The following PCDHGA5 variants were observed in gnomAD, a reference collection of about 807,000 sequenced individuals.
PCDHGA5 encodes the protein protocadherin gamma-A5.
A neutral mutation model predicts 56.7 loss-of-function variants in PCDHGA5; 36 were observed. The ratio of observed to expected loss-of-function variants is 0.64; its 90% CI spans 0.49 to 0.84. PCDHGA5 has a LOEUF of 0.84. Ranked by LOEUF, PCDHGA5 falls within the 40% of genes least tolerant of loss-of-function variation. PCDHGA5 has a pLI of 0.00. For missense variants in PCDHGA5, 1,305 were observed against 1,201.5 expected, an observed-to-expected ratio of 1.09 and a Z score of -1.27; for synonymous variants, 563 against 520.2, an observed-to-expected ratio of 1.08 and a Z score of -1.12.
At chr5:141,482,755 T>TGA (rs1554165462) in intron 1 of PCDHGA5, among the ~76,000 whole-genome samples, 1 of 143,580 alleles carries the variant, frequency 7.0e-6, no homozygotes, top group Admixed American at 6.9e-5. Context: ...GGGATTATGG[T>TGA]ATTTCATTAT....
chr5:141,379,878 T>C (rs1775912256), intron 1 of PCDHGA5, among the ~76,000 whole-genome samples: 1 of 147,082 alleles, frequency 6.8e-6, no homozygotes, highest in African/African-American at 2.5e-5. Flanking sequence ...TTTTATGGTC[T>C]GTGAAAGCCT....
At chr5:141,418,803 A>G (rs1358411126) in intron 1 of PCDHGA5, 1 of 1,613,894 alleles carries the variant, frequency 6.2e-7, no homozygotes, top group Non-Finnish European at 8.5e-7. Context: ...GTAGAAAGAT[A>G]TACGATAAAC....
intron 1 of PCDHGA5, among the ~76,000 whole-genome samples, chr5:141,426,006 G>C (rs1013613474): frequency 2.0e-5 from 3 of 152,104 alleles, no homozygotes; most frequent in African/African-American, 7.2e-5. Flanking sequence ...AAGGCTTCCG[G>C]CTGCAGTTTT....
Position 141,511,156 on chromosome 5 carries a change from A to G in PCDHGA5, c.2779A>G (p.Lys927Glu), listed in dbSNP as rs2099883637. 6.2e-7 allele frequency: 1 copy of G among 1,614,080 alleles called. No individual in the cohort carries two copies. The highest frequency in any genetic ancestry group is 1.3e-5 in the African/African-American group (1 of 74,940). Residue 927 changes from lysine (K) to glutamate (E), a missense_variant, in exon 4 of 4, where the codon AAG (lysine) becomes GAG (glutamate). By Grantham distance (56) the Lys-to-Glu change is moderately conservative (BLOSUM62 1). Transcript: ENST00000518069. ...CAATGGCAACAAGAAGAAGTCGGGC[A>G]AGAAGGAGAAGAAGTAACATGGAGG... is the stretch of plus-strand genomic sequence containing the variant. ...GGNGNKKKSG[K>E]KEKK
chr5:141,452,748 A>G (rs2098748275), intron 1 of PCDHGA5, among the ~76,000 whole-genome samples: 1 of 152,058 alleles, frequency 6.6e-6, no homozygotes, highest in Admixed American at 6.6e-5. Flanking sequence ...GAGAGAAGGA[A>G]GAAGGAAGGG....
chr5:141,451,212 G>A (rs2098710632), intron 1 of PCDHGA5, among the ~76,000 whole-genome samples: 1 of 152,156 alleles, frequency 6.6e-6, no homozygotes, highest in Non-Finnish European at 1.5e-5. Context: ...AAACTTAGTG[G>A]CTTAAAAGAA....
At chr5:141,453,377 T>TC (rs1242854086) in intron 1 of PCDHGA5, among the ~76,000 whole-genome samples, 3 of 152,072 alleles carry the variant, frequency 2.0e-5, no homozygotes, top group Admixed American at 2.0e-4. Context: ...CAAGTGATCC[T>TC]CCTGCCTTAG....
chr5:141,410,009 T>G, intron 1 of PCDHGA5: 1 of 1,613,318 alleles, frequency 6.2e-7, no homozygotes, highest in Non-Finnish European at 8.5e-7. Context: ...ACACAACGCC[T>G]GGCTGTCCTA....
Position 141,366,657 on chromosome 5 carries a change from C to T in PCDHGA5, c.2327C>T (p.Ala776Val). The T allele has an allele frequency of 6.2e-7, 1 of 1,614,248 alleles. No homozygotes were observed. The change falls in exon 1 of 4, where the codon GCA becomes GTA. Residue 776 changes from alanine (A) to valine (V), a missense_variant. Ala to Val is a moderately conservative substitution (Grantham distance 64). Transcript: ENST00000518069. ...CTGATCTTTCCCCAGCCCAACTACG[C>T]AGACACGCTCCTTAGTGAAGAGAGC... is the stretch of plus-strand genomic sequence containing the variant. ...SHLIFPQPNYADTLLSEESCE... is the reference protein window; with the variant it reads ...SHLIFPQPNYVDTLLSEESCE...
chr5:141,407,616 C>T (rs752226894), intron 1 of PCDHGA5, among the ~76,000 whole-genome samples: 3 of 151,970 alleles, frequency 2.0e-5, no homozygotes, highest in Non-Finnish European at 4.4e-5. Flanking sequence ...CATTGGTTGA[C>T]ATTCTATATC....
intron 1 of PCDHGA5, chr5:141,399,774 C>A (rs758550367): frequency 1.2e-6 from 2 of 1,613,116 alleles, no homozygotes; most frequent in South Asian, 2.2e-5. Flanking sequence ...TGTTGGTGGG[C>A]GACCGAAACG....
At chr5:141,456,341 C>G (rs950158154) in intron 1 of PCDHGA5, among the ~76,000 whole-genome samples, 4 of 152,034 alleles carry the variant, frequency 2.6e-5, no homozygotes, top group Admixed American at 1.3e-4. Context: ...TAAGGGTCCT[C>G]GGAAGAATGG....
At position 141,491,894 on chromosome 5, in the gene PCDHGA5, C is replaced by T. The variant is rs1209251388; in HGVS notation, c.2422-2913C>T. The T allele has an allele frequency of 1.5e-5, 22 of 1,434,752 alleles. No individual in the cohort carries two copies. Among genetic ancestry groups the T allele is most frequent in the Admixed American group, 2.9e-5 (1 of 34,278 alleles). 88.9% of individuals were successfully genotyped at this position (1,434,752 alleles called of 1,614,324 possible). The stretch of plus-strand genomic sequence containing the variant: ...GCCGATTAAGGGATGGGGCTCCGAG[C>T]ACCGGGGGTGGTGGCGACTGTGGGC... On this transcript the variant is annotated intron_variant, in intron 1 of 3. Transcript: ENST00000518069. The surrounding 1 kb of genome is among the most constrained non-coding windows in gnomAD (Gnocchi z 6.9).
In PCDHGA5 at chr5:141,489,129, T is replaced by G; in HGVS notation, c.2422-5678T>G. On this transcript the variant is annotated intron_variant, in intron 1 of 3. Coordinates refer to ENST00000518069, the MANE Select transcript of PCDHGA5 (RefSeq NM_018918.3). This position sits in a 1 kb window ranked among gnomAD's most constrained non-coding sequence, Gnocchi z 4.5. ...AAGCAGGCAAACCTCCGAGCAGTTT[T>G]TAAGAGGCTGGAAGGAGACATAAGA... 1 of 761,976 alleles carries G rather than the reference T, an allele frequency of 1.3e-6. No homozygotes were observed. The highest frequency in any genetic ancestry group is 2.0e-6 in the Non-Finnish European group (1 of 490,014). The allele number at this position is 761,976 out of a possible 1,614,324, so 47.2% of individuals were successfully genotyped here.
chr5:141,365,047 G>C lies in PCDHGA5; in HGVS notation c.717G>C (p.Ala239=). ...RVTVLDANDN[A]PLFTPSEYSV... ...CGGTCCTCGACGCAAACGACAATGC[G>C]CCCCTGTTCACCCCATCCGAGTACA... Residue 239 remains alanine (A), a synonymous_variant, in exon 1 of 4, where the codon GCG becomes GCC. Transcript: ENST00000518069. 1.2e-6 allele frequency: 2 copies of C among 1,613,804 alleles called. No homozygotes were observed. Among genetic ancestry groups the C allele is most frequent in the Non-Finnish European group, 1.7e-6 (2 of 1,179,898 alleles).
chr5:141,462,462 T>G (rs570804965), intron 1 of PCDHGA5, among the ~76,000 whole-genome samples: 1 of 152,346 alleles, frequency 6.6e-6, no homozygotes, highest in Middle Eastern at 3.4e-3. Flanking sequence ...CTGAAAACTG[T>G]GTATTCTGCT....
chr5:141,467,284 C>T (rs2099140788), intron 1 of PCDHGA5, among the ~76,000 whole-genome samples: 1 of 152,080 alleles, frequency 6.6e-6, no homozygotes, highest in Non-Finnish European at 1.5e-5. Context: ...AACTCTTGAC[C>T]TCAAGTGATC....
chr5:141,461,902 C>A (rs1477274695), intron 1 of PCDHGA5, among the ~76,000 whole-genome samples: 1 of 152,116 alleles, frequency 6.6e-6, no homozygotes, highest in African/African-American at 2.4e-5. Flanking sequence ...CGGCTCACTG[C>A]AACCTCTGCC....
chr5:141,376,868 T>G, intron 1 of PCDHGA5: 1 of 220,664 alleles, frequency 4.5e-6, no homozygotes, highest in East Asian at 1.2e-4. Flanking sequence ...TTTGTATTTT[T>G]AGTAGAGACG....
Sources: gnomAD v4.1 joint callset for allele counts (sites outside exome capture counted in the v4.1 genomes callset) on GRCh38, gnomAD v4.1.1 for gene constraint, Gnocchi (gnomAD v3.1) non-coding constraint, MANE v1.5 for transcripts, NCBI Gene and HGNC (gene_info 2026-07-23, HGNC 2026-07-21) for gene names.